Variants in FRAS1 observed in about 807,000 individuals in gnomAD.
FRAS1 encodes Fraser extracellular matrix complex subunit 1.
In FRAS1, 290 loss-of-function variants were observed where a neutral mutation model predicts 435.2. That is an observed-to-expected ratio of 0.67 (90% confidence interval 0.61 to 0.73). The LOEUF is 0.73. FRAS1 is among the 30% of genes least tolerant of loss of function. The pLI is 0.00. For synonymous variants in FRAS1, 1,800 were observed against 1,851.0 expected (o/e 0.97, Z 0.71); for missense variants, 4,860 against 5,001.5 (o/e 0.97, Z 0.85).
Position 78,291,867 on chromosome 4 carries a change from T to G in FRAS1, c.1534+5328T>G, listed in dbSNP as rs548564323. Among the ~76,000 whole-genome samples the G allele has an allele frequency of 5.9e-5, 9 of 152,332 alleles. No homozygotes were observed. In the East Asian group the frequency reaches 1.5e-3, roughly 26 times the overall value. ...TTTGAGACGTAAAGAATCAAACAAC[T>G]GAACATTTTACAGGATTATAAGGGA... On this transcript the variant is annotated intron_variant, in intron 14 of 73. Coordinates refer to ENST00000512123, the MANE Select transcript of FRAS1 (RefSeq NM_025074.7).
chr4:78,281,426 G>A lies in FRAS1; in HGVS notation c.1100G>A (p.Arg367His), dbSNP rs200344686. ...FMSSNASEVK[R>H]IPEGEKWEDG... Reference sequence around the variant, plus strand: ...TCATCAAATGCTAGTGAAGTTAAACGTATTCCAGTAAGTATAGCTTTTTAA... The same window carrying A: ...TCATCAAATGCTAGTGAAGTTAAACATATTCCAGTAAGTATAGCTTTTTAA... Residue 367 changes from arginine to histidine, a missense_variant, in exon 11 of 74, where the codon CGT (arginine) becomes CAT (histidine). By Grantham distance (29) the Arg-to-His change is conservative (BLOSUM62 0). Coordinates refer to ENST00000512123, the MANE Select transcript of FRAS1 (RefSeq NM_025074.7). The A allele has an allele frequency of 4.0e-5, 63 of 1,567,108 alleles. No individual in the cohort carries two copies. The highest frequency in any genetic ancestry group is 2.7e-4 in the African/African-American group (20 of 73,020).
At chr4:78,189,362 A>T (rs1174845165) in intron 2 of FRAS1, among the ~76,000 whole-genome samples, 3 of 152,054 alleles carry the variant, frequency 2.0e-5, no homozygotes, top group Non-Finnish European at 4.4e-5. Flanking sequence ...TGCCATAATC[A>T]TTTTCTCTGA....
Position 78,276,135 on chromosome 4 carries a change from G to A in FRAS1, c.982-2520G>A, listed in dbSNP as rs1033332725. Among the ~76,000 whole-genome samples the A allele has an allele frequency of 5.5e-4, 84 of 152,088 alleles. 1 individual carries two copies. The highest frequency in any genetic ancestry group is 4.1e-4 in the Non-Finnish European group (28 of 68,012). On this transcript the variant is annotated intron_variant, in intron 9 of 73. Transcript: ENST00000512123. ...CTACTGAAGCTTGTGCATTCATCAC[G>A]TAGTTCTCATGCCATGGTTTTCAGC...
chr4:78,400,462 A>G (rs967043056), intron 29 of FRAS1, among the ~76,000 whole-genome samples: 5 of 152,226 alleles, frequency 3.3e-5, no homozygotes, highest in Admixed American at 1.3e-4. Flanking sequence ...TGGATAGATG[A>G]AAGAAAGAAA....
rs1721668361 is a variant in FRAS1 at position 78,174,143 on chromosome 4, A to G, written c.109-63367A>G. Among the ~76,000 whole-genome samples, 3 of 152,146 alleles carry G rather than the reference A, an allele frequency of 2.0e-5. No individual in the cohort carries two copies. The South Asian group carries it at 6.2e-4, about 32-fold the overall frequency. ...AGTCTCTGATGCTTTGACTCTCTGA[A>G]TGAGCCTCATGTTTCCCAGGAGCTC... is the stretch of plus-strand genomic sequence containing the variant. On this transcript the variant is annotated intron_variant, in intron 2 of 73. Transcript: ENST00000512123.
intron 41 of FRAS1, among the ~76,000 whole-genome samples, 157 bp from the exon 42 acceptor site, chr4:78,445,365 T>C (rs1718769312): frequency 6.6e-6 from 1 of 152,220 alleles, no homozygotes; most frequent in African/African-American, 2.4e-5. Flanking sequence ...GACCCAGGCC[T>C]TCCAATTCCT....
chr4:78,075,129 G>A (rs892484199), intron 2 of FRAS1, among the ~76,000 whole-genome samples: 1 of 152,156 alleles, frequency 6.6e-6, no homozygotes, highest in African/African-American at 2.4e-5. Context: ...CCATCCTGGG[G>A]ATAAGAAAGG....
chr4:78,080,078 A>G (rs1432275948), intron 2 of FRAS1, among the ~76,000 whole-genome samples: 1 of 152,052 alleles, frequency 6.6e-6, no homozygotes, highest in East Asian at 1.9e-4. Context: ...AAAGGGGCCA[A>G]CTTACACTAC....
At chr4:78,407,964 G>A in intron 31 of FRAS1, 123 bp downstream of exon 31, 1 of 833,662 alleles carries the variant, frequency 1.2e-6, no homozygotes, top group South Asian at 2.3e-5. Flanking sequence ...GGACGTGTTA[G>A]TTCATTTTCA....
chr4:78,106,173 G>A (rs1742423573), intron 2 of FRAS1, among the ~76,000 whole-genome samples: 1 of 94,752 alleles, frequency 1.1e-5, no homozygotes, highest in South Asian at 3.5e-4. Context: ...GCTGGGGGAG[G>A]GGCGCCCGCC....
intron 2 of FRAS1, among the ~76,000 whole-genome samples, chr4:78,097,365 C>G (rs916854589): frequency 6.6e-6 from 1 of 152,186 alleles, no homozygotes; most frequent in Non-Finnish European, 1.5e-5. Context: ...TTACCCAGTT[C>G]AAAAGTCTCT....
At position 78,464,487 on chromosome 4, in the gene FRAS1, G is replaced by A. The variant is rs762024499; in HGVS notation, c.6933G>A (p.Ser2311=). 19 of 1,613,828 alleles carry A rather than the reference G, an allele frequency of 1.2e-5. No homozygotes were observed. The highest frequency in any genetic ancestry group is 1.3e-5 in the Non-Finnish European group (15 of 1,179,862). Residue 2311 remains serine, a synonymous_variant, in exon 49 of 74, where the codon TCG becomes TCA. Transcript: ENST00000512123. ...TCACTCTTCACCCTGTCGATGATTCGCTGCCCGTCGTACAGAACTTAGGAA... is the reference window on the plus strand; with the variant it reads ...TCACTCTTCACCCTGTCGATGATTCACTGCCCGTCGTACAGAACTTAGGAA... ...FHITLHPVDD[S]LPVVQNLGMR... is the part of the protein sequence containing the mutation.
At chr4:78,502,881 T>A (rs1720724683) in intron 61 of FRAS1, among the ~76,000 whole-genome samples, 2 of 152,208 alleles carry the variant, frequency 1.3e-5, no homozygotes. Context: ...TATTTTGAGA[T>A]ACATTCCATC....
At position 78,102,199 on chromosome 4, in the gene FRAS1, C is replaced by T. The variant is rs370136006; in HGVS notation, c.108+36183C>T. On this transcript the variant is annotated intron_variant, in intron 2 of 73. Coordinates refer to ENST00000512123, the MANE Select transcript of FRAS1 (RefSeq NM_025074.7). ...GTGTCTAAACTGTTGAACATGTTTT[C>T]TTAGAGATTTCTCAGAAAAGGAACC... Among the ~76,000 whole-genome samples the T allele has an allele frequency of 3.9e-4, 60 of 152,218 alleles. 2 individuals carry two copies. Among genetic ancestry groups the T allele is most frequent in the African/African-American group, 1.4e-3 (58 of 41,528 alleles).
intron 29 of FRAS1, among the ~76,000 whole-genome samples, chr4:78,396,333 T>C (rs573421295): frequency 1.3e-5 from 2 of 152,320 alleles, no homozygotes; most frequent in Non-Finnish European, 2.9e-5. Context: ...GTGAGTTTTA[T>C]ACTTTAATGT....
At chr4:78,432,768 TG>T (rs1425700877) in intron 38 of FRAS1, among the ~76,000 whole-genome samples, 164 bp downstream of exon 38, 1 of 152,234 alleles carries the variant, frequency 6.6e-6, no homozygotes, top group Admixed American at 6.5e-5. Context: ...GTAGTTATGC[TG>T]TTTATCCTGC....
intron 41 of FRAS1, 35 bp downstream of exon 41, chr4:78,441,332 G>A (rs367705516): frequency 4.4e-6 from 7 of 1,590,010 alleles, no homozygotes; most frequent in Non-Finnish European, 6.0e-6. Context: ...AGGACCTTGA[G>A]AGAAGGGAGG....
chr4:78,435,371 G>A (rs1170692886), intron 38 of FRAS1, among the ~76,000 whole-genome samples: 3 of 152,322 alleles, frequency 2.0e-5, no homozygotes, highest in Admixed American at 1.3e-4. Context: ...GAAATATACA[G>A]CATTTAAAAT....
chr4:78,264,312 G>A (rs1726249426), intron 6 of FRAS1, among the ~76,000 whole-genome samples: 1 of 152,184 alleles, frequency 6.6e-6, no homozygotes, highest in African/African-American at 2.4e-5. Context: ...TAGGGACATA[G>A]AGTAGCTGGG....
Sources: allele counts gnomAD v4.1 joint callset (sites outside exome capture counted in the v4.1 genomes callset), GRCh38; gene constraint gnomAD v4.1.1; transcripts MANE v1.5; gene names NCBI Gene and HGNC (gene_info 2026-07-23, HGNC 2026-07-21).